VPS13A: variants seen among roughly 807,000 people sequenced by gnomAD.
VPS13A encodes intermembrane lipid transfer protein VPS13A.
Under a neutral mutation model 390.9 loss-of-function variants are expected in VPS13A, and 264 were observed. The observed-to-expected ratio is 0.68, with a 90% confidence interval of 0.61 to 0.75. VPS13A has a LOEUF of 0.75. VPS13A is among the 30% of genes least tolerant of loss of function. VPS13A has a pLI of 0.00. For synonymous variants in VPS13A, 1,231 were observed against 1,227.1 expected (o/e 1.00, Z -0.07); for missense variants, 3,409 against 3,733.9 (o/e 0.91, Z 2.27).
At chr9:77,182,868 A>G (rs778768327) in intron 1 of VPS13A, among the ~76,000 whole-genome samples, 92 of 152,294 alleles carry the variant, frequency 6.0e-4, no homozygotes, top group Non-Finnish European at 1.1e-3. Context: ...TTCCCTTTAT[A>G]ATAGAATCAT....
intron 67 of VPS13A, among the ~76,000 whole-genome samples, chr9:77,374,831 G>C (rs950548702): frequency 1.3e-5 from 2 of 152,084 alleles, no homozygotes; most frequent in East Asian, 3.9e-4. Flanking sequence ...ATGTTAATTA[G>C]ACCCATCTTA....
chr9:77,290,052 G>T (rs1312458350), intron 31 of VPS13A, among the ~76,000 whole-genome samples: 4 of 152,124 alleles, frequency 2.6e-5, no homozygotes, highest in Non-Finnish European at 4.4e-5. Context: ...AGAGTGCTGG[G>T]ATTACAGGCG....
intron 67 of VPS13A, among the ~76,000 whole-genome samples, chr9:77,377,214 T>TCTG (rs1337391835): frequency 8.0e-6 from 1 of 124,366 alleles, no homozygotes; most frequent in Admixed American, 8.0e-5. Flanking sequence ...TTTTTTTTTT[T>TCTG]TTTTTTTTTT....
At chr9:77,295,093 T>G (rs998971417) in intron 32 of VPS13A, among the ~76,000 whole-genome samples, 2 of 151,986 alleles carry the variant, frequency 1.3e-5, no homozygotes, top group African/African-American at 4.8e-5. Context: ...AGTATAAATA[T>G]AGATAATTAT....
At chr9:77,294,637 T>C (rs900919916) in intron 32 of VPS13A, among the ~76,000 whole-genome samples, 1 of 152,234 alleles carries the variant, frequency 6.6e-6, no homozygotes, top group South Asian at 2.1e-4. Flanking sequence ...TTTGTGATCT[T>C]TTAAGCCATA....
chr9:77,199,859 GATT>G, intron 1 of VPS13A, 83 bp from the exon 2 acceptor site: 1 of 1,111,748 alleles, frequency 9.0e-7, no homozygotes, highest in Non-Finnish European at 1.3e-6. Flanking sequence ...TATTTTTCCT[GATT>G]ATGACAGGAA....
Position 77,356,786 on chromosome 9 carries a change from G to T in VPS13A, c.7725G>T (p.Glu2575Asp). The change falls in exon 55 of 72, where the codon GAG becomes GAT. Residue 2575 changes from glutamate to aspartate, a missense_variant. This residue lies in a region of VPS13A where 221 missense variants were observed against 300.7 expected (regional missense o/e 0.73). Transcript: ENST00000360280. The stretch of plus-strand genomic sequence containing the variant: ...AGCCAATGAGTGTAAAGCACACTGA[G>T]AAGTTAGAGAGAGAATTTAAGGAAT... ...RWKPMSVKHT[E>D]KLEREFKEYT... 1 of 1,613,866 alleles carries T rather than the reference G, an allele frequency of 6.2e-7. No homozygotes were observed. The highest frequency in any genetic ancestry group is 8.5e-7 in the Non-Finnish European group (1 of 1,179,910).
chr9:77,249,229 C>G (rs1375027359), intron 20 of VPS13A, among the ~76,000 whole-genome samples: 1 of 152,152 alleles, frequency 6.6e-6, no homozygotes, highest in African/African-American at 2.4e-5. Context: ...TTCCCTTATC[C>G]TATTTTTAAA....
At position 77,314,610 on chromosome 9, in the gene VPS13A, T is replaced by TA. The variant is rs1829281390; in HGVS notation, c.4364dup (p.Asn1455LysfsTer6). 1 of 1,611,966 alleles carries TA rather than the reference T, an allele frequency of 6.2e-7. No homozygotes were observed. The highest frequency in any genetic ancestry group is 1.7e-5 in the Admixed American group (1 of 59,876). On this transcript the variant is annotated frameshift_variant, in exon 37 of 72. Coordinates refer to ENST00000360280, the MANE Select transcript of VPS13A (RefSeq NM_033305.3). LOFTEE classifies it high-confidence loss of function. Reference sequence around the variant, plus strand: ...GGCTCAACATTTTCTTCCTTCTCATTAAAAAACTGTATTTTAGATGATAAA... The same window carrying TA: ...GGCTCAACATTTTCTTCCTTCTCATTAAAAAAACTGTATTTTAGATGATAAA...
chr9:77,178,470 A>C (rs201068928), intron 1 of VPS13A, among the ~76,000 whole-genome samples: 4 of 152,232 alleles, frequency 2.6e-5, no homozygotes, highest in Non-Finnish European at 1.5e-5. Context: ...GTGTGGTTGC[A>C]GTTAACAGCC....
chr9:77,376,590 T>C (rs1440365282), intron 67 of VPS13A, among the ~76,000 whole-genome samples: 1 of 152,214 alleles, frequency 6.6e-6, no homozygotes, highest in Non-Finnish European at 1.5e-5. Context: ...AGTTTTTATG[T>C]GTAGTACTGG....
At chr9:77,191,802 C>T (rs1824702588) in intron 1 of VPS13A, among the ~76,000 whole-genome samples, 1 of 152,074 alleles carries the variant, frequency 6.6e-6, no homozygotes, top group African/African-American at 2.4e-5. Context: ...TATGGTTGAG[C>T]ATGTGGTTGG....
At chr9:77,216,967 G>T (rs1221882667) in intron 10 of VPS13A, among the ~76,000 whole-genome samples, 1 of 152,160 alleles carries the variant, frequency 6.6e-6, no homozygotes, top group African/African-American at 2.4e-5. Context: ...ATTAGATTGT[G>T]CCCACCCAGA....
intron 24 of VPS13A, 93 bp downstream of exon 24, chr9:77,273,457 G>T: frequency 9.9e-7 from 1 of 1,009,356 alleles, no homozygotes. Flanking sequence ...CACAGAGGAA[G>T]GAAAATATCT....
At chr9:77,368,915 C>T (rs1832591287) in intron 62 of VPS13A, among the ~76,000 whole-genome samples, 2 of 152,158 alleles carry the variant, frequency 1.3e-5, no homozygotes, top group African/African-American at 4.8e-5. Flanking sequence ...TGGTGGATCA[C>T]TTGAGGCCAG....
chr9:77,272,482 T>G (rs1338226139), intron 23 of VPS13A, among the ~76,000 whole-genome samples: 1 of 152,194 alleles, frequency 6.6e-6, no homozygotes, highest in Non-Finnish European at 1.5e-5. Context: ...TAAGTAGTGG[T>G]TTCTTCATCA....
intron 31 of VPS13A, 136 bp from the exon 32 acceptor site, chr9:77,293,205 G>A: frequency 1.4e-6 from 1 of 717,646 alleles, no homozygotes; most frequent in Non-Finnish European, 2.3e-6. Context: ...TAGAATTGTT[G>A]CCTCATTTGT....
chr9:77,205,374 G>A lies in VPS13A; in HGVS notation c.249G>A (p.Leu83=), dbSNP rs766960287. Reference sequence around the variant, plus strand: ...ATACTCAACCTGTTGAAGCCGTATTGGAAGAAATTTATTTACTTATAGTGC... The same window carrying A: ...ATACTCAACCTGTTGAAGCCGTATTAGAAGAAATTTATTTACTTATAGTGC... The part of the protein sequence containing the change: ...NLYTQPVEAV[L]EEIYLLIVPS... The change falls in exon 4 of 72, where the codon TTG becomes TTA. Residue 83 remains leucine, a synonymous_variant. Coordinates refer to ENST00000360280, the MANE Select transcript of VPS13A (RefSeq NM_033305.3). 11 of 1,474,088 alleles carry A rather than the reference G, an allele frequency of 7.5e-6. No individual in the cohort carries two copies. The highest frequency in any genetic ancestry group is 9.1e-6 in the Non-Finnish European group (10 of 1,104,968). The allele number at this position is 1,474,088 out of a possible 1,614,324, so 91.3% of individuals were successfully genotyped here.
chr9:77,318,290 C>T lies in VPS13A; in HGVS notation c.5012C>T (p.Thr1671Ile), dbSNP rs1829524824. 1.9e-6 allele frequency: 3 copies of T among 1,609,286 alleles called. No homozygotes were observed. The East Asian group carries it at 6.7e-5, about 36-fold the overall frequency. The change falls in exon 41 of 72, where the codon ACT (threonine) becomes ATT (isoleucine). Residue 1671 changes from threonine to isoleucine, a missense_variant. Coordinates refer to ENST00000360280, the MANE Select transcript of VPS13A (RefSeq NM_033305.3). Reference sequence around the variant, plus strand: ...ACCATAACTTCAGCACTGTATACAACTAAGGAAACCATCCCAGAAGAAACG... The same window carrying T: ...ACCATAACTTCAGCACTGTATACAATTAAGGAAACCATCCCAGAAGAAACG... ...MITITSALYT[T>I]KETIPEETAS...
Sources: gnomAD v4.1 joint callset for allele counts (sites outside exome capture counted in the v4.1 genomes callset) on GRCh38, gnomAD v4.1.1 for gene constraint, gnomAD v4.1.1 regional missense constraint, MANE v1.5 for transcripts, NCBI Gene and HGNC (gene_info 2026-07-23, HGNC 2026-07-21) for gene names.